The following WWOX variants were observed in gnomAD, a reference collection of about 807,000 sequenced individuals.
The protein encoded by WWOX is WW domain-containing oxidoreductase.
A neutral mutation model predicts 46.2 loss-of-function variants in WWOX; 69 were observed. That is an observed-to-expected ratio of 1.49 (90% CI 1.23 to 1.82). The LOEUF (loss-of-function observed/expected upper bound fraction) is 1.82, where lower values mean the gene tolerates loss of function less well. WWOX is among the 40% of genes most tolerant of loss of function. The probability of loss-of-function intolerance (pLI) is 0.00; values close to 1 mark genes in which losing one functional copy is unlikely to be tolerated. For missense variants in WWOX, 919 were observed against 542.6 expected (o/e 1.69, Z -6.89); for synonymous variants, 359 against 202.6 (o/e 1.77, Z -6.56).
intron 8 of WWOX, among the ~76,000 whole-genome samples, chr16:78,736,904 CG>C (rs1348449214): frequency 6.6e-6 from 1 of 152,012 alleles, no homozygotes; most frequent in Non-Finnish European, 1.5e-5. Flanking sequence ...GCAATGTGCC[CG>C]GCCCACAATG....
intron 5 of WWOX, among the ~76,000 whole-genome samples, chr16:78,165,324 A>G (rs2034935763): frequency 6.6e-6 from 1 of 152,200 alleles, no homozygotes; most frequent in East Asian, 1.9e-4. Context: ...TGTTAAGGAC[A>G]ACAGACGTTG....
intron 6 of WWOX, among the ~76,000 whole-genome samples, chr16:78,391,074 G>T (rs1597151469): frequency 6.6e-6 from 1 of 152,244 alleles, no homozygotes; most frequent in African/African-American, 2.4e-5. Context: ...CAGATTCTTA[G>T]TACAAACACT....
chr16:78,813,663 G>T (rs188226480), intron 8 of WWOX, among the ~76,000 whole-genome samples: 157 of 152,092 alleles, frequency 1.0e-3, no homozygotes, highest in Admixed American at 2.0e-3. Context: ...AGCAACAAAA[G>T]GCCTCCTTTG....
intron 8 of WWOX, among the ~76,000 whole-genome samples, chr16:78,963,576 G>C (rs941239354): frequency 3.3e-5 from 5 of 152,184 alleles, no homozygotes; most frequent in Admixed American, 3.3e-4. Context: ...CTGAATTAGA[G>C]TTCAGTATTT....
chr16:78,593,128 A>G (rs1381435818), intron 8 of WWOX, among the ~76,000 whole-genome samples: 1 of 152,080 alleles, frequency 6.6e-6, no homozygotes, highest in African/African-American at 2.4e-5. Flanking sequence ...TTTGTGCCAA[A>G]CCAGGTGTCA....
chr16:79,200,436 C>T (rs2051324225), intron 8 of WWOX, among the ~76,000 whole-genome samples: 2 of 152,118 alleles, frequency 1.3e-5, no homozygotes, highest in African/African-American at 2.4e-5. Flanking sequence ...TGAACCCAGA[C>T]CTCAGTTTGA....
At chr16:78,833,796 A>G (rs949281475) in intron 8 of WWOX, among the ~76,000 whole-genome samples, 14 of 152,250 alleles carry the variant, frequency 9.2e-5, no homozygotes, top group African/African-American at 2.9e-4. Flanking sequence ...CCGATAAATT[A>G]CCCAGAGTCA....
At chr16:78,745,766 T>TCC (rs559514795) in intron 8 of WWOX, among the ~76,000 whole-genome samples, 3 of 148,364 alleles carry the variant, frequency 2.0e-5, no homozygotes, top group African/African-American at 7.5e-5. Context: ...CTCCTCTTTT[T>TCC]CCCCCCCCTT....
At chr16:78,817,785 G>T (rs567477757) in intron 8 of WWOX, among the ~76,000 whole-genome samples, 2 of 152,230 alleles carry the variant, frequency 1.3e-5, no homozygotes, top group South Asian at 2.1e-4. Context: ...CTCACCCTCT[G>T]TCTTGGATGG....
intron 4 of WWOX, among the ~76,000 whole-genome samples, chr16:78,145,699 T>C (rs3850108): frequency 0.24 from 35,761 of 152,096 alleles, 4,451 homozygotes; most frequent in East Asian, 0.47. Context: ...CACTCAATAT[T>C]AACCATCTCA....
chr16:79,011,054 A>T (rs532809426), intron 8 of WWOX, among the ~76,000 whole-genome samples: 2 of 152,170 alleles, frequency 1.3e-5, no homozygotes, highest in South Asian at 4.1e-4. Flanking sequence ...GTATATAAAT[A>T]TATGATAAGT....
Position 78,799,110 on chromosome 16 carries a change from C to G in WWOX, c.1056+366358C>G, listed in dbSNP as rs112989768. On this transcript the variant is annotated intron_variant, in intron 8 of 8. Transcript: ENST00000566780. ...AGTGTTTTTAAATTGTGTAGATTACCTCCACTTCATTATGGTTCCTGGCAT... is the reference window on the plus strand; with the variant it reads ...AGTGTTTTTAAATTGTGTAGATTACGTCCACTTCATTATGGTTCCTGGCAT... Among the ~76,000 whole-genome samples the G allele has an allele frequency of 3.4e-3, 516 of 152,002 alleles. 2 individuals are homozygous for G. Among genetic ancestry groups the G allele is most frequent in the Non-Finnish European group, 5.7e-3 (390 of 67,952 alleles).
intron 8 of WWOX, among the ~76,000 whole-genome samples, chr16:78,520,167 C>T (rs1462721920): frequency 6.6e-6 from 1 of 152,170 alleles, no homozygotes; most frequent in African/African-American, 2.4e-5. Flanking sequence ...GCTTTTATTC[C>T]TATGGGATGA....
intron 8 of WWOX, among the ~76,000 whole-genome samples, chr16:78,841,633 C>T (rs2223107): frequency 0.34 from 51,819 of 151,988 alleles, 9,380 homozygotes; most frequent in East Asian, 0.48. Flanking sequence ...AAAACTCTGG[C>T]GAATTTTTTG....
intron 8 of WWOX, among the ~76,000 whole-genome samples, chr16:78,666,375 G>C (rs1326784323): frequency 6.6e-6 from 1 of 152,078 alleles, no homozygotes; most frequent in Non-Finnish European, 1.5e-5. Flanking sequence ...TACTGCCATC[G>C]GCATGCCTAG....
chr16:79,085,184 T>C (rs190498880), intron 8 of WWOX, among the ~76,000 whole-genome samples: 1 of 152,346 alleles, frequency 6.6e-6, no homozygotes. Flanking sequence ...GTACCATTTC[T>C]GTCTTTGTCT....
chr16:78,913,003 C>T, intron 8 of WWOX, among the ~76,000 whole-genome samples: 1 of 152,030 alleles, frequency 6.6e-6, no homozygotes, highest in East Asian at 1.9e-4. Flanking sequence ...GATTAGCCTT[C>T]CATCTCTCGA....
chr16:78,725,209 G>T (rs1288351045), intron 8 of WWOX, among the ~76,000 whole-genome samples: 2 of 152,018 alleles, frequency 1.3e-5, no homozygotes, highest in Non-Finnish European at 2.9e-5. Flanking sequence ...TGTATGATGT[G>T]CCTTTCGCTT....
chr16:78,219,766 T>C (rs1170676168), intron 5 of WWOX, among the ~76,000 whole-genome samples: 3 of 152,186 alleles, frequency 2.0e-5, no homozygotes, highest in African/African-American at 4.8e-5. Context: ...CACCCTGGAA[T>C]ATGTACCTCC....
Sources: gnomAD v4.1 joint callset for allele counts (sites outside exome capture counted in the v4.1 genomes callset) on GRCh38, gnomAD v4.1.1 for gene constraint, MANE v1.5 for transcripts, NCBI Gene and HGNC (gene_info 2026-07-23, HGNC 2026-07-21) for gene names.